CHMP4B: variants seen among roughly 807,000 people sequenced by gnomAD.
The protein encoded by CHMP4B is charged multivesicular body protein 4B.
In CHMP4B, 1 loss-of-function variant was observed where a neutral mutation model predicts 25.1. That is an observed-to-expected ratio of 0.04 (90% CI 0.01 to 0.19). The LOEUF (loss-of-function observed/expected upper bound fraction) is 0.19. Among genes scored for constraint, CHMP4B ranks in the 10% least tolerant of loss-of-function variants. CHMP4B has a pLI of 1.00. For synonymous variants in CHMP4B, 101 were observed against 115.6 expected (o/e 0.87, Z 0.81); for missense variants, 151 against 289.7 (o/e 0.52, Z 3.48).
chr20:33,848,273 C>T (rs552490785), intron 1 of CHMP4B, among the ~76,000 whole-genome samples, 194 bp from the exon 2 acceptor site: 29 of 151,994 alleles, frequency 1.9e-4, no homozygotes, highest in Non-Finnish European at 3.4e-4. Flanking sequence ...GTTTACTGGC[C>T]GTGTTTTGAG....
intron 1 of CHMP4B, among the ~76,000 whole-genome samples, chr20:33,831,612 G>T (rs1251096777): frequency 6.6e-6 from 1 of 152,058 alleles, no homozygotes; most frequent in Admixed American, 6.5e-5. Context: ...GGCCTCAAGT[G>T]ATCCTCCTGC....
At chr20:33,827,538 C>T (rs897505811) in intron 1 of CHMP4B, among the ~76,000 whole-genome samples, 3 of 152,250 alleles carry the variant, frequency 2.0e-5, no homozygotes, top group Non-Finnish European at 2.9e-5. Flanking sequence ...TTCCTTGGAT[C>T]AGAGGCCAGA....
chr20:33,822,290 C>T (rs6142028), intron 1 of CHMP4B, among the ~76,000 whole-genome samples: 19,959 of 151,920 alleles, frequency 0.13, 2,049 homozygotes, highest in East Asian at 0.58. Context: ...ATTACAGGCA[C>T]GTGCCAGCAC....
intron 1 of CHMP4B, among the ~76,000 whole-genome samples, chr20:33,832,453 A>G (rs1428433376): frequency 1.3e-5 from 2 of 152,196 alleles, no homozygotes; most frequent in African/African-American, 4.8e-5. Context: ...CGCCAGTGCC[A>G]GTCATAATCA....
intron 1 of CHMP4B, among the ~76,000 whole-genome samples, chr20:33,821,787 CCAGATTATTG>C (rs60230248): frequency 0.13 from 19,555 of 151,924 alleles, 2,013 homozygotes; most frequent in East Asian, 0.58. Flanking sequence ...AAATAAAAGC[CCAGATTATTG>C]CTATTTTCTT....
At chr20:33,819,138 C>G (rs150086569) in intron 1 of CHMP4B, among the ~76,000 whole-genome samples, 2,783 of 152,244 alleles carry the variant, frequency 0.018, 91 homozygotes, top group African/African-American at 0.064. Context: ...TCTTGAACTC[C>G]TGACCTCAAG....
At chr20:33,842,275 C>G (rs1424005592) in intron 1 of CHMP4B, among the ~76,000 whole-genome samples, 1 of 152,080 alleles carries the variant, frequency 6.6e-6, no homozygotes, top group African/African-American at 2.4e-5. Context: ...CGAGATCAGA[C>G]AAGATTGGGC....
At chr20:33,816,137 C>CT (rs1428795712) in intron 1 of CHMP4B, among the ~76,000 whole-genome samples, 4 of 151,864 alleles carry the variant, frequency 2.6e-5, no homozygotes, top group East Asian at 1.9e-4. Flanking sequence ...ATTTGGATTG[C>CT]TTTTTTTTCC....
At position 33,825,311 on chromosome 20, in the gene CHMP4B, G is replaced by A. The variant is rs1452918015; in HGVS notation, c.190+13653G>A. 2.0e-5 allele frequency among the ~76,000 whole-genome samples: 3 copies of A among 152,266 alleles called. No individual in the cohort carries two copies. The East Asian group carries it at 5.8e-4, about 29-fold the overall frequency. ...CTTTCTTCCCTAGGATTGTGTCTGC[G>A]TAAATGGTAGATGGTCACATGGTAG... On this transcript the variant is annotated intron_variant, in intron 1 of 4. Transcript: ENST00000217402.
rs541616099 is a variant in CHMP4B at position 33,844,827 on chromosome 20, C to G, written c.191-3640C>G. 5.9e-4 allele frequency among the ~76,000 whole-genome samples: 89 copies of G among 150,746 alleles called. 2 individuals are homozygous for G. Among genetic ancestry groups the G allele is most frequent in the Non-Finnish European group, 1.8e-4 (12 of 67,800 alleles). The stretch of plus-strand genomic sequence containing the variant: ...AGGCTGGAGTGCAGTGTCGTGATCT[C>G]GGTTCTCTACAAGCTCCGCCTCCTG... On this transcript the variant is annotated intron_variant, in intron 1 of 4. Transcript: ENST00000217402.
At chr20:33,847,405 A>C (rs1979715641) in intron 1 of CHMP4B, among the ~76,000 whole-genome samples, 1 of 152,062 alleles carries the variant, frequency 6.6e-6, no homozygotes, top group Non-Finnish European at 1.5e-5. Context: ...TCCTACAGTC[A>C]TATTTTGGGG....
chr20:33,820,426 A>G (rs1978908153), intron 1 of CHMP4B, among the ~76,000 whole-genome samples: 1 of 152,224 alleles, frequency 6.6e-6, no homozygotes, highest in Non-Finnish European at 1.5e-5. Flanking sequence ...CAAAGATGGT[A>G]GCTAGAAACT....
intron 1 of CHMP4B, 38 bp downstream of exon 1, chr20:33,811,696 C>G: frequency 6.3e-7 from 1 of 1,593,142 alleles, no homozygotes; most frequent in Non-Finnish European, 8.6e-7. Flanking sequence ...GCCACGGGCT[C>G]CCCCCAGGCT....
chr20:33,847,187 T>C (rs1256483655), intron 1 of CHMP4B, among the ~76,000 whole-genome samples: 1 of 152,122 alleles, frequency 6.6e-6, no homozygotes, highest in Non-Finnish European at 1.5e-5. Context: ...TGTGTTGTTA[T>C]GCAGATAAAA....
chr20:33,823,725 G>A (rs1315456473), intron 1 of CHMP4B, among the ~76,000 whole-genome samples: 2 of 152,162 alleles, frequency 1.3e-5, no homozygotes, highest in Non-Finnish European at 2.9e-5. Flanking sequence ...GCCATAGGGT[G>A]AAGCCAATAG....
chr20:33,838,126 C>T (rs1015161255), intron 1 of CHMP4B, among the ~76,000 whole-genome samples: 1 of 152,238 alleles, frequency 6.6e-6, no homozygotes, highest in Non-Finnish European at 1.5e-5. Flanking sequence ...GTTCGGGCAC[C>T]TGGCTTGGAT....
chr20:33,840,605 T>G (rs1335220965), intron 1 of CHMP4B, among the ~76,000 whole-genome samples: 1 of 152,216 alleles, frequency 6.6e-6, no homozygotes, highest in East Asian at 1.9e-4. Context: ...AAGCTGGCAT[T>G]GGCCAAATGA....
At chr20:33,852,301 G>C (rs1236364596) in intron 4 of CHMP4B, 98 bp downstream of exon 4, 3 of 1,451,978 alleles carry the variant, frequency 2.1e-6, no homozygotes, top group Non-Finnish European at 2.9e-6. Context: ...TTTGGTTTGT[G>C]GTCGGTTGGC....
chr20:33,826,554 C>T (rs889955018), intron 1 of CHMP4B, among the ~76,000 whole-genome samples: 5 of 152,186 alleles, frequency 3.3e-5, no homozygotes, highest in Non-Finnish European at 7.4e-5. Flanking sequence ...TATCTCCCTA[C>T]AGCACCCAGG....
Sources: allele counts gnomAD v4.1 joint callset (sites outside exome capture counted in the v4.1 genomes callset), GRCh38; gene constraint gnomAD v4.1.1; transcripts MANE v1.5; gene names NCBI Gene and HGNC (gene_info 2026-07-23, HGNC 2026-07-21).